ARHGAP32: variants seen among roughly 807,000 people sequenced by gnomAD.
ARHGAP32 encodes the protein Rho GTPase activating protein 32.
ARHGAP32 carries 51 observed loss-of-function variants against 186.5 expected under a neutral mutation model. That is an observed-to-expected ratio of 0.27 (90% CI 0.22 to 0.35). The LOEUF (loss-of-function observed/expected upper bound fraction) is 0.35, where lower values mean the gene tolerates loss of function less well. Among genes scored for constraint, ARHGAP32 ranks in the 10% least tolerant of loss-of-function variants. The probability of loss-of-function intolerance (pLI) is 1.00; values close to 1 mark genes in which losing one functional copy is unlikely to be tolerated. For synonymous variants in ARHGAP32, 950 were observed against 964.3 expected, an observed-to-expected ratio of 0.99 and a Z score of 0.27; for missense variants, 2,186 against 2,623.5, an observed-to-expected ratio of 0.83 and a Z score of 3.64.
intron 11 of ARHGAP32, among the ~76,000 whole-genome samples, chr11:129,011,759 C>CT (rs896359893): frequency 9.4e-4 from 142 of 151,364 alleles, no homozygotes; most frequent in African/African-American, 3.0e-3. Context: ...TATTGGTTGG[C>CT]TTTTTTTTTA....
chr11:129,025,488 AT>A (rs1167375614), intron 11 of ARHGAP32, among the ~76,000 whole-genome samples: 19 of 152,176 alleles, frequency 1.2e-4, no homozygotes, highest in African/African-American at 4.6e-4. Flanking sequence ...TCTGCAGATT[AT>A]TGAATTTAGC....
At chr11:129,063,203 A>T (rs1314439682) in intron 9 of ARHGAP32, among the ~76,000 whole-genome samples, 1 of 152,102 alleles carries the variant, frequency 6.6e-6, no homozygotes, top group African/African-American at 2.4e-5. Context: ...GTAAAGCCAT[A>T]TATGCTAACA....
intron 1 of ARHGAP32, among the ~76,000 whole-genome samples, chr11:129,276,045 C>T (rs1038033692): frequency 3.3e-5 from 5 of 152,196 alleles, no homozygotes; most frequent in African/African-American, 1.2e-4. Flanking sequence ...AGGAGGGCAA[C>T]GCAGGAAGAT....
At chr11:129,038,246 A>C (rs1017295205) in intron 11 of ARHGAP32, among the ~76,000 whole-genome samples, 1 of 152,104 alleles carries the variant, frequency 6.6e-6, no homozygotes, top group Non-Finnish European at 1.5e-5. Context: ...TCTTTTCAAC[A>C]AACAGTGCTA....
At chr11:129,152,412 A>T (rs1197473799) in intron 2 of ARHGAP32, among the ~76,000 whole-genome samples, 11 of 152,112 alleles carry the variant, frequency 7.2e-5, no homozygotes, top group Admixed American at 7.2e-4. Flanking sequence ...AAATACCAAA[A>T]CCAGGAAAGG....
At chr11:129,173,020 CTGT>C (rs1943803593) in intron 1 of ARHGAP32, among the ~76,000 whole-genome samples, 2 of 149,420 alleles carry the variant, frequency 1.3e-5, no homozygotes, top group African/African-American at 4.9e-5. Context: ...AATCCAGGGG[CTGT>C]TTTTTTGAAA....
intron 1 of ARHGAP32, among the ~76,000 whole-genome samples, chr11:129,178,889 A>G (rs1373323758): frequency 1.3e-5 from 2 of 152,112 alleles, no homozygotes; most frequent in African/African-American, 2.4e-5. Flanking sequence ...ATGGGCAAGA[A>G]CTTCATGTCT....
intron 1 of ARHGAP32, among the ~76,000 whole-genome samples, chr11:129,269,066 T>A (rs529417007): frequency 1.3e-5 from 2 of 151,554 alleles, no homozygotes; most frequent in Non-Finnish European, 2.9e-5. Flanking sequence ...AGTCCAGGAG[T>A]TCGAGACCAG....
chr11:129,058,221 A>T (rs12794782), intron 10 of ARHGAP32, among the ~76,000 whole-genome samples: 55,575 of 109,700 alleles, frequency 0.51, 13,301 homozygotes, highest in Non-Finnish European at 0.59. Context: ...ACACACACAC[A>T]CTCTCTCTCT....
chr11:129,064,698 G>A (rs566692580), intron 8 of ARHGAP32, 143 bp downstream of exon 8: 9 of 595,188 alleles, frequency 1.5e-5, no homozygotes, highest in South Asian at 6.9e-5. Flanking sequence ...CGTGTATCAC[G>A]TATCTATCCT....
intron 1 of ARHGAP32, among the ~76,000 whole-genome samples, chr11:129,164,928 A>G (rs1943602724): frequency 1.3e-5 from 2 of 152,220 alleles, no homozygotes; most frequent in South Asian, 2.1e-4. Context: ...AAGGCAACAG[A>G]AAGCAACCAA....
At chr11:129,114,797 T>G (rs1457042580) in intron 5 of ARHGAP32, among the ~76,000 whole-genome samples, 2 of 152,152 alleles carry the variant, frequency 1.3e-5, no homozygotes, top group Non-Finnish European at 2.9e-5. Flanking sequence ...TTATTTTTCC[T>G]GTATTGAGTT....
chr11:129,225,297 G>A (rs1944765471), intron 1 of ARHGAP32, among the ~76,000 whole-genome samples: 2 of 152,056 alleles, frequency 1.3e-5, no homozygotes, highest in Non-Finnish European at 2.9e-5. Context: ...ACATGTACAG[G>A]GCTGTGTGTA....
intron 11 of ARHGAP32, among the ~76,000 whole-genome samples, chr11:129,000,590 C>T (rs1300357772): frequency 3.3e-5 from 5 of 152,152 alleles, no homozygotes; most frequent in Non-Finnish European, 5.9e-5. Context: ...GGTATCCATC[C>T]CATCAAGCAT....
intron 10 of ARHGAP32, among the ~76,000 whole-genome samples, chr11:129,057,051 C>G (rs919582313): frequency 5.3e-5 from 8 of 152,132 alleles, no homozygotes; most frequent in African/African-American, 1.4e-4. Flanking sequence ...CAGCCGGAGC[C>G]CAGTTGACAG....
intron 1 of ARHGAP32, 48 bp from the exon 2 acceptor site, chr11:129,164,475 G>A (rs1943593288): frequency 3.6e-6 from 4 of 1,108,370 alleles, no homozygotes; most frequent in Non-Finnish European, 5.2e-6. Context: ...CCAATTCTAT[G>A]AAAGCCTTCC....
intron 1 of ARHGAP32, among the ~76,000 whole-genome samples, chr11:129,214,894 A>G (rs749460698): frequency 2.0e-5 from 3 of 152,222 alleles, no homozygotes; most frequent in Non-Finnish European, 4.4e-5. Flanking sequence ...AGACAATAGC[A>G]AATGCATGGG....
At chr11:129,255,716 G>C (rs1231207953) in intron 1 of ARHGAP32, among the ~76,000 whole-genome samples, 1 of 151,836 alleles carries the variant, frequency 6.6e-6, no homozygotes, top group African/African-American at 2.4e-5. Flanking sequence ...GGCATAAACA[G>C]GCACTTCACA....
At chr11:129,258,385 G>A (rs556044084) in intron 1 of ARHGAP32, among the ~76,000 whole-genome samples, 63 of 152,284 alleles carry the variant, frequency 4.1e-4, no homozygotes, top group African/African-American at 1.5e-3. Context: ...AGACCCCGGT[G>A]TTCTGATTCC....
Sources: gnomAD v4.1 joint callset for allele counts (sites outside exome capture counted in the v4.1 genomes callset) on GRCh38, gnomAD v4.1.1 for gene constraint, MANE v1.5 for transcripts, NCBI Gene and HGNC (gene_info 2026-07-23, HGNC 2026-07-21) for gene names.